The following ROBO1 variants were observed in gnomAD, a reference collection of about 807,000 sequenced individuals.
ROBO1 encodes roundabout guidance receptor 1.
A neutral mutation model predicts 195.9 loss-of-function variants in ROBO1; 149 were observed. That is an observed-to-expected ratio of 0.76 (90% CI 0.67 to 0.87). The LOEUF (loss-of-function observed/expected upper bound fraction) is 0.87. Ranked by LOEUF, ROBO1 falls within the 40% of genes least tolerant of loss-of-function variation. ROBO1 has a pLI of 0.00. For synonymous variants in ROBO1, 816 were observed against 733.2 expected (o/e 1.11, Z -1.82); for missense variants, 1,933 against 2,068.3 (o/e 0.93, Z 1.27).
intron 2 of ROBO1, among the ~76,000 whole-genome samples, chr3:79,531,519 A>G (rs1455137623): frequency 6.6e-6 from 1 of 152,140 alleles, no homozygotes; most frequent in Non-Finnish European, 1.5e-5. Context: ...GCTACTCGGT[A>G]TGCTGAGGAA....
intron 3 of ROBO1, among the ~76,000 whole-genome samples, chr3:78,962,765 A>C (rs1427949750): frequency 7.2e-6 from 1 of 138,532 alleles, no homozygotes; most frequent in Non-Finnish European, 1.5e-5. Flanking sequence ...CAGCGCTTGC[A>C]GTGAGCCGAG....
intron 1 of ROBO1, among the ~76,000 whole-genome samples, chr3:79,632,494 A>C (rs1945375046): frequency 6.6e-6 from 1 of 152,282 alleles, no homozygotes; most frequent in African/African-American, 2.4e-5. Flanking sequence ...GTAGGAGGGT[A>C]GTGAGGGTTT....
At chr3:79,657,721 C>G (rs1352620742) in intron 1 of ROBO1, among the ~76,000 whole-genome samples, 1 of 151,892 alleles carries the variant, frequency 6.6e-6, no homozygotes, top group Non-Finnish European at 1.5e-5. Context: ...TTCCCTTTTG[C>G]CAATTTTTAT....
At chr3:79,708,740 A>C (rs1199733149) in intron 1 of ROBO1, among the ~76,000 whole-genome samples, 2 of 152,126 alleles carry the variant, frequency 1.3e-5, no homozygotes, top group African/African-American at 4.8e-5. Flanking sequence ...TGTTTTGTGC[A>C]TGTGGAGTCT....
intron 1 of ROBO1, among the ~76,000 whole-genome samples, chr3:79,743,222 G>A (rs1703724040): frequency 6.6e-6 from 1 of 152,186 alleles, no homozygotes; most frequent in South Asian, 2.1e-4. Context: ...GCATAGCTGA[G>A]CTATAGAACA....
chr3:79,054,141 C>T (rs971237905), intron 3 of ROBO1, among the ~76,000 whole-genome samples: 4 of 152,028 alleles, frequency 2.6e-5, no homozygotes, highest in Admixed American at 6.6e-5. Context: ...TAATGGCATT[C>T]TAATTACTCA....
intron 2 of ROBO1, among the ~76,000 whole-genome samples, chr3:79,576,630 T>A (rs554962933): frequency 6.6e-6 from 1 of 152,240 alleles, no homozygotes; most frequent in African/African-American, 2.4e-5. Flanking sequence ...TGCTTTTGGT[T>A]AACATTGCCC....
chr3:78,819,905 T>C (rs2074526137), intron 4 of ROBO1, among the ~76,000 whole-genome samples: 1 of 152,186 alleles, frequency 6.6e-6, no homozygotes, highest in Non-Finnish European at 1.5e-5. Context: ...TCTCAATTCA[T>C]GAGGGAAAAA....
At chr3:79,180,946 G>C (rs2081330460) in intron 2 of ROBO1, among the ~76,000 whole-genome samples, 1 of 152,114 alleles carries the variant, frequency 6.6e-6, no homozygotes, top group South Asian at 2.1e-4. Context: ...GGTGTCCTAT[G>C]GTCTGAAAGA....
chr3:79,094,808 C>A (rs1212142020), intron 3 of ROBO1, among the ~76,000 whole-genome samples: 1 of 151,740 alleles, frequency 6.6e-6, no homozygotes, highest in East Asian at 1.9e-4. Flanking sequence ...CTGAGGGATC[C>A]CCAAGTTACT....
intron 4 of ROBO1, among the ~76,000 whole-genome samples, chr3:78,817,356 A>G (rs2030166825): frequency 6.6e-6 from 1 of 152,030 alleles, no homozygotes; most frequent in African/African-American, 2.4e-5. Context: ...ACTTTTTTTT[A>G]AGATAACAGT....
chr3:79,047,812 A>G (rs1264544986), intron 3 of ROBO1, among the ~76,000 whole-genome samples: 1 of 152,120 alleles, frequency 6.6e-6, no homozygotes, highest in African/African-American at 2.4e-5. Context: ...ACGTCCTAGA[A>G]GAAAGATGAG....
chr3:78,901,505 T>C (rs2037586231), intron 4 of ROBO1, among the ~76,000 whole-genome samples: 1 of 152,220 alleles, frequency 6.6e-6, no homozygotes, highest in African/African-American at 2.4e-5. Flanking sequence ...TCACTAATTA[T>C]AGGTAATTCC....
At chr3:79,057,742 C>G (rs965166636) in intron 3 of ROBO1, among the ~76,000 whole-genome samples, 4 of 152,008 alleles carry the variant, frequency 2.6e-5, no homozygotes, top group African/African-American at 7.2e-5. Flanking sequence ...TTTACCTGCT[C>G]CACAAAATTA....
chr3:79,479,703 C>T (rs1243086195), intron 2 of ROBO1, among the ~76,000 whole-genome samples: 2 of 152,200 alleles, frequency 1.3e-5, no homozygotes, highest in Non-Finnish European at 2.9e-5. Context: ...CTGCAAATAA[C>T]TCATGGATTA....
intron 2 of ROBO1, among the ~76,000 whole-genome samples, chr3:79,167,324 AAGGC>A (rs746495715): frequency 3.0e-4 from 46 of 152,186 alleles, no homozygotes; most frequent in Non-Finnish European, 5.0e-4. Context: ...CAGAAGTTGC[AAGGC>A]AGCAATTTCT....
chr3:79,538,658 A>G (rs1191939015), intron 2 of ROBO1, among the ~76,000 whole-genome samples: 1 of 152,056 alleles, frequency 6.6e-6, no homozygotes, highest in African/African-American at 2.4e-5. Flanking sequence ...GCTTTCTAGG[A>G]TCTGTCTTTT....
chr3:79,524,598 C>A (rs983767801), intron 2 of ROBO1, among the ~76,000 whole-genome samples: 4 of 152,152 alleles, frequency 2.6e-5, no homozygotes, highest in Admixed American at 2.0e-4. Context: ...CTAAGTATTG[C>A]ATTTGTCTAA....
intron 2 of ROBO1, among the ~76,000 whole-genome samples, chr3:79,538,539 T>A (rs1941956005): frequency 6.6e-6 from 1 of 152,162 alleles, no homozygotes; most frequent in African/African-American, 2.4e-5. Context: ...GCCTCTCAGC[T>A]ACTCAAATGT....
Sources: gnomAD v4.1 joint callset for allele counts (sites outside exome capture counted in the v4.1 genomes callset) on GRCh38, gnomAD v4.1.1 for gene constraint, MANE v1.5 for transcripts, NCBI Gene and HGNC (gene_info 2026-07-23, HGNC 2026-07-21) for gene names.